The following SSC4D variants were observed in gnomAD, a reference collection of about 807,000 sequenced individuals.
The protein encoded by SSC4D is scavenger receptor cysteine-rich domain-containing group B protein.
SSC4D carries 57 observed loss-of-function variants against 63.4 expected under a neutral mutation model. The ratio of observed to expected loss-of-function variants is 0.90; its 90% CI spans 0.73 to 1.12. SSC4D has a LOEUF of 1.12. Among genes scored for constraint, SSC4D ranks in the 50% most tolerant of loss-of-function variants. The pLI is 0.00. For synonymous variants in SSC4D, 352 were observed against 345.4 expected, an observed-to-expected ratio of 1.02 and a Z score of -0.21; for missense variants, 791 against 806.4, an observed-to-expected ratio of 0.98 and a Z score of 0.23.
Position 76,408,376 on chromosome 7 carries a change from T to C in SSC4D, c.-67+1038A>G, listed in dbSNP as rs528555607. Among the ~76,000 whole-genome samples, 4 of 152,174 alleles carry C rather than the reference T, an allele frequency of 2.6e-5. No individual in the cohort carries two copies. In the East Asian group the frequency reaches 7.7e-4, roughly 29 times the overall value. On this transcript the variant is annotated intron_variant, in intron 1 of 10. Transcript: ENST00000275560. ...CTGGGGACAGCTGGGAGATGGGAGC[T>C]GAGAACCATGAGGAGGGGGAAAGAC...
At chr7:76,398,323 T>G (rs1804707111) in intron 5 of SSC4D, among the ~76,000 whole-genome samples, 1 of 151,418 alleles carries the variant, frequency 6.6e-6, no homozygotes, top group Non-Finnish European at 1.5e-5. Flanking sequence ...TTTTTTTTTT[T>G]TTTTGAGACA....
rs139299212 is a variant in SSC4D at position 76,397,603 on chromosome 7, G to A, written c.783C>T (p.Gly261=). 247 of 1,607,554 alleles carry A rather than the reference G, an allele frequency of 1.5e-4. No individual in the cohort carries two copies. In the African/African-American group the frequency reaches 2.6e-3, roughly 17 times the overall value. ...ILLDNVHCEG[G]EPRLAACQSL... Reference sequence around the variant, plus strand: ...TCTGGCAGGCTGCCAGGCGGGGCTCGCCGCCTTCGCAGTGCACGTTGTCCA... The same window carrying A: ...TCTGGCAGGCTGCCAGGCGGGGCTCACCGCCTTCGCAGTGCACGTTGTCCA... Residue 261 remains glycine, a synonymous_variant, in exon 6 of 11, where the codon GGC becomes GGT. Transcript: ENST00000275560.
intron 9 of SSC4D, 147 bp downstream of exon 9, chr7:76,393,258 C>T: frequency 1.2e-6 from 1 of 825,318 alleles, no homozygotes; most frequent in Non-Finnish European, 1.6e-6. Flanking sequence ...AGAGCGGGCG[C>T]ACGGCGGGGC....
intron 4 of SSC4D, among the ~76,000 whole-genome samples, chr7:76,399,505 A>C (rs1440676220): frequency 6.6e-6 from 1 of 151,852 alleles, no homozygotes; most frequent in Admixed American, 6.6e-5. Flanking sequence ...TGCCACGTGG[A>C]GCGCATGGCC....
At chr7:76,401,731 A>G (rs1268265441) in intron 2 of SSC4D, among the ~76,000 whole-genome samples, 1 of 152,030 alleles carries the variant, frequency 6.6e-6, no homozygotes, top group Non-Finnish European at 1.5e-5. Context: ...GCTTTTTTCA[A>G]TTCCCAGCTT....
intron 9 of SSC4D, 64 bp downstream of exon 9, chr7:76,393,341 C>G (rs1164425588): frequency 5.4e-6 from 7 of 1,291,880 alleles, no homozygotes; most frequent in Non-Finnish European, 6.9e-6. Context: ...GTGGCGCCGC[C>G]CCGCCCCTCC....
chr7:76,399,575 C>T lies in SSC4D; in HGVS notation c.475+711G>A, dbSNP rs570485275. ...TTCGAGACAGGATCTTGCTCTGTCACCCAGGCTGGAGTGCAGTGTCACAAT... is the reference window on the plus strand; with the variant it reads ...TTCGAGACAGGATCTTGCTCTGTCATCCAGGCTGGAGTGCAGTGTCACAAT... On this transcript the variant is annotated intron_variant, in intron 4 of 10. Transcript: ENST00000275560. Among the ~76,000 whole-genome samples, 3 of 152,112 alleles carry T rather than the reference C, an allele frequency of 2.0e-5. No individual in the cohort carries two copies. The East Asian group carries it at 5.8e-4, about 29-fold the overall frequency.
rs1486767341 is a variant in SSC4D at position 76,393,532 on chromosome 7, G to A, written c.1206C>T (p.Gly402=). Residue 402 remains glycine, a synonymous_variant, in exon 9 of 11, where the codon GGC becomes GGT. Transcript: ENST00000275560. ...GATGLGHFGY[G]RGPVLLDNVG... ...CGTTGTCCAGCAGCACGGGGCCGCGGCCGTAGCCGAAGTGGCCCAGTCCCG... is the reference window on the plus strand; with the variant it reads ...CGTTGTCCAGCAGCACGGGGCCGCGACCGTAGCCGAAGTGGCCCAGTCCCG... 4 of 1,524,172 alleles carry A rather than the reference G, an allele frequency of 2.6e-6. No individual in the cohort carries two copies. Among genetic ancestry groups the A allele is most frequent in the Non-Finnish European group, 3.5e-6 (4 of 1,142,608 alleles). The allele number at this position is 1,524,172 out of a possible 1,614,324, so 94.4% of individuals were successfully genotyped here. A position where few individuals can be genotyped will look rare whatever the true frequency, so the allele number is the denominator to read the frequency against.
At chr7:76,402,185 T>A (rs1180932854) in intron 2 of SSC4D, among the ~76,000 whole-genome samples, 2 of 148,722 alleles carry the variant, frequency 1.3e-5, no homozygotes, top group Non-Finnish European at 3.0e-5. Flanking sequence ...CCCAGCTATT[T>A]TTTTTTTTTT....
chr7:76,394,384 G>A (rs1278514187), intron 7 of SSC4D, among the ~76,000 whole-genome samples: 1 of 150,970 alleles, frequency 6.6e-6, no homozygotes, highest in African/African-American at 2.4e-5. Flanking sequence ...TGCTAGGACT[G>A]GTGCGACCCA....
At chr7:76,393,964 C>T in intron 7 of SSC4D, 60 bp from the exon 8 acceptor site, 1 of 1,513,920 alleles carries the variant, frequency 6.6e-7, no homozygotes, top group African/African-American at 1.4e-5. Flanking sequence ...TGTCCTGCAG[C>T]AGGGCACGGG....
chr7:76,404,653 G>A (rs376218641), intron 1 of SSC4D, 148 bp from the exon 2 acceptor site: 80 of 637,208 alleles, frequency 1.3e-4, no homozygotes, highest in African/African-American at 1.1e-3. Context: ...AAATGAGGCC[G>A]GGTGTGGTGG....
intron 5 of SSC4D, 37 bp from the exon 6 acceptor site, chr7:76,397,869 C>G: frequency 6.7e-7 from 1 of 1,485,564 alleles, no homozygotes; most frequent in Non-Finnish European, 9.0e-7. Flanking sequence ...GCATCTCCCA[C>G]TGGCCTCTGC....
intron 1 of SSC4D, among the ~76,000 whole-genome samples, chr7:76,405,335 C>CTTTT (rs1563687084): frequency 1.4e-4 from 4 of 29,156 alleles, no homozygotes; most frequent in Admixed American, 4.1e-4. Flanking sequence ...TTCTTTCTTT[C>CTTTT]TTTCTTTTTT....
chr7:76,389,801 G>C lies in SSC4D; in HGVS notation c.*258C>G. On this transcript the variant is annotated 3_prime_UTR_variant, in exon 11 of 11. Coordinates refer to ENST00000275560, the MANE Select transcript of SSC4D (RefSeq NM_080744.2). ...GAATCATCCTCTTCCCCTCGTTTTG[G>C]TTTTGGCTGAGCAAAACCACAGGAG... The C allele has an allele frequency of 1.9e-6, 1 of 531,536 alleles. No homozygotes were observed. The highest frequency in any genetic ancestry group is 2.4e-5 in the South Asian group (1 of 40,930). The allele number at this position is 531,536 out of a possible 1,614,324, so 32.9% of individuals were successfully genotyped here.
rs778692903 is a variant in SSC4D at position 76,390,214 on chromosome 7, C to T, written c.1573G>A (p.Glu525Lys). 1.1e-5 allele frequency: 17 copies of T among 1,614,058 alleles called. No homozygotes were observed. The highest frequency in any genetic ancestry group is 1.6e-4 in the Middle Eastern group (1 of 6,084). The part of the protein sequence containing the change: ...GCGQALAAPG[E>K]AHFGPGRGPI... ...CCTCGGCCTGGGCCAAAGTGAGCCT[C>T]GCCAGGGGCTGCGAGGGCCTGGCCA... is the stretch of plus-strand genomic sequence containing the variant. Residue 525 changes from glutamate (E) to lysine (K), a missense_variant, in exon 11 of 11, where the codon GAG becomes AAG. Glu to Lys is a moderately conservative substitution (Grantham distance 56, BLOSUM62 1). Coordinates refer to ENST00000275560, the MANE Select transcript of SSC4D (RefSeq NM_080744.2).
intron 10 of SSC4D, among the ~76,000 whole-genome samples, 188 bp downstream of exon 10, chr7:76,391,752 GAAATCTCCAGATTGCTGTAGTTTA>G (rs1447034679): frequency 6.6e-6 from 1 of 152,072 alleles, no homozygotes; most frequent in African/African-American, 2.4e-5. Flanking sequence ...CTCACCTCTA[GAAATCTCCAGATTGCTGTAGTTTA>G]AAGCTCACCT....
At chr7:76,408,685 C>G (rs925558990) in intron 1 of SSC4D, among the ~76,000 whole-genome samples, 1 of 152,204 alleles carries the variant, frequency 6.6e-6, no homozygotes, top group Non-Finnish European at 1.5e-5. Context: ...CTCTGCCAAG[C>G]CTGCCTCCTA....
chr7:76,392,532 C>T (rs1014123805), intron 9 of SSC4D, among the ~76,000 whole-genome samples: 13 of 148,376 alleles, frequency 8.8e-5, no homozygotes, highest in African/African-American at 3.0e-4. Context: ...GACTGAGACT[C>T]TGTCTCAAAA....
Sources: gnomAD v4.1 joint callset for allele counts (sites outside exome capture counted in the v4.1 genomes callset) on GRCh38, gnomAD v4.1.1 for gene constraint, MANE v1.5 for transcripts, NCBI Gene and HGNC (gene_info 2026-07-23, HGNC 2026-07-21) for gene names.